The following ACACB variants were observed in gnomAD, a reference collection of about 807,000 sequenced individuals.
ACACB encodes the protein acetyl-CoA carboxylase beta.
Under a neutral mutation model 278.8 loss-of-function variants are expected in ACACB, and 209 were observed. That is an observed-to-expected ratio of 0.75 (90% CI 0.67 to 0.84). ACACB has a LOEUF of 0.84. Ranked by LOEUF, ACACB falls within the 40% of genes least tolerant of loss-of-function variation. The probability of loss-of-function intolerance (pLI) is 0.00; values close to 1 mark genes in which losing one functional copy is unlikely to be tolerated. For synonymous variants in ACACB, 1,174 were observed against 1,285.6 expected, an observed-to-expected ratio of 0.91 and a Z score of 1.86; for missense variants, 2,850 against 3,269.0, an observed-to-expected ratio of 0.87 and a Z score of 3.13.
chr12:109,246,589 A>T (rs1305319528), intron 39 of ACACB, 141 bp downstream of exon 39: 5 of 1,037,168 alleles, frequency 4.8e-6, no homozygotes, highest in Non-Finnish European at 6.9e-6. Flanking sequence ...ATAAACAGGC[A>T]TACAGTGTAT....
chr12:109,240,113 A>G (rs1252358016), intron 35 of ACACB, 128 bp downstream of exon 35: 3 of 1,129,636 alleles, frequency 2.7e-6, no homozygotes, highest in Non-Finnish European at 3.7e-6. Context: ...TCTGAGCCTC[A>G]GTTGCTGCGG....
intron 22 of ACACB, among the ~76,000 whole-genome samples, chr12:109,216,010 G>A (rs947942764): frequency 6.6e-6 from 1 of 151,870 alleles, no homozygotes; most frequent in African/African-American, 2.4e-5. Context: ...TGTTGCCCAG[G>A]CTGCTCTTGA....
Position 109,139,507 on chromosome 12 carries a change from GAGTAA to G in ACACB, c.104_108del (p.Ser35IlefsTer16). On this transcript the variant is annotated frameshift_variant, in exon 2 of 53. Transcript: ENST00000338432. LOFTEE classifies it high-confidence loss of function. ...TGACGGACTCCAAGCCGATCACCAA[GAGTAA>G]ATCAGAAGCAAACCTCATCCCGAGC... 1.9e-6 allele frequency: 3 copies of G among 1,614,138 alleles called. No homozygotes were observed. The South Asian group carries it at 3.3e-5, about 18-fold the overall frequency.
chr12:109,129,499 C>A (rs2042767831), intron 1 of ACACB, among the ~76,000 whole-genome samples: 1 of 152,178 alleles, frequency 6.6e-6, no homozygotes, highest in Non-Finnish European at 1.5e-5. Context: ...TTCTTCAACC[C>A]CTATGTGGGC....
chr12:109,208,835 G>A (rs1445914533), intron 20 of ACACB, among the ~76,000 whole-genome samples: 2 of 152,172 alleles, frequency 1.3e-5, no homozygotes, highest in African/African-American at 4.8e-5. Context: ...AACATGAAAA[G>A]AAAGTTCCTA....
intron 9 of ACACB, among the ~76,000 whole-genome samples, chr12:109,177,578 G>A (rs949771515): frequency 2.0e-5 from 3 of 152,126 alleles, no homozygotes; most frequent in Non-Finnish European, 2.9e-5. Context: ...GGATTTGGGT[G>A]GGGGGAAGAA....
At chr12:109,192,270 C>A (rs553057035) in intron 15 of ACACB, among the ~76,000 whole-genome samples, 4 of 152,240 alleles carry the variant, frequency 2.6e-5, no homozygotes, top group Non-Finnish European at 4.4e-5. Flanking sequence ...GGAAGCAAAG[C>A]GGCTTAAAGG....
chr12:109,179,983 C>G lies in ACACB; in HGVS notation c.1714C>G (p.Gln572Glu), dbSNP rs188194445. Residue 572 changes from glutamine (Q) to glutamate (E), a missense_variant, in exon 11 of 53, where the codon CAG becomes GAG. Gln to Glu is a conservative substitution (Grantham distance 29). Coordinates refer to ENST00000338432, the MANE Select transcript of ACACB (RefSeq NM_001093.4). The part of the protein sequence containing the change: ...SAGTVEYLYS[Q>E]DGSFHFLELN... ...AGGGACAGTGGAATACCTCTATAGTCAGGATGGCAGCTTCCACTTCTTGGA... is the reference window on the plus strand; with the variant it reads ...AGGGACAGTGGAATACCTCTATAGTGAGGATGGCAGCTTCCACTTCTTGGA... The G allele has an allele frequency of 9.9e-5, 160 of 1,613,998 alleles. 2 individuals are homozygous for G. The Admixed American group carries it at 2.4e-3, about 24-fold the overall frequency.
At chr12:109,160,933 T>G (rs2043703231) in intron 2 of ACACB, among the ~76,000 whole-genome samples, 4 of 152,228 alleles carry the variant, frequency 2.6e-5, no homozygotes. Context: ...TTTGTTGTGC[T>G]TTAGGTCAAA....
chr12:109,176,293 T>A (rs748633442), intron 9 of ACACB, 30 bp downstream of exon 9: 1 of 1,582,718 alleles, frequency 6.3e-7, no homozygotes, highest in South Asian at 1.1e-5. Context: ...TCTTTTCGCA[T>A]CTGTCTTTGG....
chr12:109,203,409 C>T (rs931025298), intron 19 of ACACB, among the ~76,000 whole-genome samples: 4 of 152,178 alleles, frequency 2.6e-5, no homozygotes, highest in Non-Finnish European at 4.4e-5. Flanking sequence ...CTCTTTCAAC[C>T]GCCCTTTAAA....
chr12:109,170,719 T>C (rs1336775521), intron 4 of ACACB, among the ~76,000 whole-genome samples: 1 of 152,136 alleles, frequency 6.6e-6, no homozygotes, highest in Non-Finnish European at 1.5e-5. Context: ...TGTGGACATC[T>C]GTTTCACAAT....
At chr12:109,208,302 G>A (rs879906250) in intron 20 of ACACB, among the ~76,000 whole-genome samples, 25 of 149,890 alleles carry the variant, frequency 1.7e-4, no homozygotes, top group African/African-American at 5.9e-4. Flanking sequence ...CTACAACCTC[G>A]ACCTCTGGGT....
At chr12:109,202,881 T>TA (rs1316304177) in intron 19 of ACACB, among the ~76,000 whole-genome samples, 1 of 152,224 alleles carries the variant, frequency 6.6e-6, no homozygotes, top group East Asian at 1.9e-4. Context: ...TAACAAAATT[T>TA]ACCATCTTAG....
At chr12:109,195,863 G>A (rs1307480757) in intron 16 of ACACB, among the ~76,000 whole-genome samples, 2 of 152,154 alleles carry the variant, frequency 1.3e-5, no homozygotes, top group Non-Finnish European at 2.9e-5. Context: ...AAAGTGGCCA[G>A]TGTGACTGAG....
chr12:109,223,654 C>G (rs2046239126), intron 26 of ACACB, among the ~76,000 whole-genome samples, 161 bp from the exon 27 acceptor site: 1 of 152,108 alleles, frequency 6.6e-6, no homozygotes, highest in Non-Finnish European at 1.5e-5. Context: ...CCCAGCTGCT[C>G]AAGAGGTTGA....
chr12:109,256,938 G>A (rs950158315), intron 45 of ACACB, among the ~76,000 whole-genome samples: 1 of 152,206 alleles, frequency 6.6e-6, no homozygotes, highest in Non-Finnish European at 1.5e-5. Flanking sequence ...CTCCATAAGT[G>A]GGAATGGCTG....
At chr12:109,166,671 A>AAAAAAC (rs2043913102) in intron 2 of ACACB, among the ~76,000 whole-genome samples, 190 bp from the exon 3 acceptor site, 4 of 139,826 alleles carry the variant, frequency 2.9e-5, no homozygotes, top group Non-Finnish European at 6.4e-5. Context: ...AAAAAAAAAA[A>AAAAAAC]AAAAAACCGA....
At chr12:109,245,471 C>T (rs79263593) in intron 37 of ACACB, among the ~76,000 whole-genome samples, 155 bp from the exon 38 acceptor site, 30 of 152,226 alleles carry the variant, frequency 2.0e-4, no homozygotes, top group Non-Finnish European at 3.5e-4. Flanking sequence ...GATGGGTGCT[C>T]ATATTTAAAT....
Sources: gnomAD v4.1 joint callset for allele counts (sites outside exome capture counted in the v4.1 genomes callset) on GRCh38, gnomAD v4.1.1 for gene constraint, MANE v1.5 for transcripts, NCBI Gene and HGNC (gene_info 2026-07-23, HGNC 2026-07-21) for gene names.